NRG3: variants seen among roughly 807,000 people sequenced by gnomAD.
NRG3 encodes the protein pro-neuregulin-3, membrane-bound isoform.
Under a neutral mutation model 66.9 loss-of-function variants are expected in NRG3, and 31 were observed. That is an observed-to-expected ratio of 0.46 (90% CI 0.35 to 0.63). NRG3 has a LOEUF of 0.63. Ranked by LOEUF, NRG3 falls within the 20% of genes least tolerant of loss-of-function variation. The pLI, the probability that NRG3 is intolerant of heterozygous loss-of-function variation, is 0.00. For synonymous variants in NRG3, 393 were observed against 359.4 expected, an observed-to-expected ratio of 1.09 and a Z score of -1.06; for missense variants, 910 against 878.9, an observed-to-expected ratio of 1.04 and a Z score of -0.45.
chr10:82,675,092 G>A (rs1187021876), intron 2 of NRG3, among the ~76,000 whole-genome samples: 3 of 151,992 alleles, frequency 2.0e-5, no homozygotes, highest in Admixed American at 6.6e-5. Context: ...CTGAGTAGCT[G>A]GGATTACAGG....
intron 1 of NRG3, among the ~76,000 whole-genome samples, chr10:82,020,584 T>G (rs1237831680): frequency 6.6e-6 from 1 of 152,136 alleles, no homozygotes; most frequent in Non-Finnish European, 1.5e-5. Context: ...TTACCAGATT[T>G]CAAAGACTTT....
intron 2 of NRG3, among the ~76,000 whole-genome samples, chr10:82,539,464 C>T (rs2043378467): frequency 6.6e-6 from 1 of 152,150 alleles, no homozygotes; most frequent in South Asian, 2.1e-4. Flanking sequence ...ATACATCTTT[C>T]TCTATGTCTA....
chr10:82,249,555 G>T (rs1260305859), intron 1 of NRG3, among the ~76,000 whole-genome samples: 5 of 152,158 alleles, frequency 3.3e-5, no homozygotes, highest in East Asian at 1.9e-4. Flanking sequence ...GTAAACATTT[G>T]CTGAGTGAGA....
At chr10:82,245,536 T>G (rs1282821235) in intron 1 of NRG3, among the ~76,000 whole-genome samples, 1 of 152,240 alleles carries the variant, frequency 6.6e-6, no homozygotes, top group African/African-American at 2.4e-5. Context: ...GATTTAAATC[T>G]TGGATTTATT....
At chr10:81,992,139 A>T (rs963415549) in intron 1 of NRG3, among the ~76,000 whole-genome samples, 2 of 152,152 alleles carry the variant, frequency 1.3e-5, no homozygotes, top group African/African-American at 4.8e-5. Flanking sequence ...CTGTAAGCTG[A>T]TTGAAAATTG....
chr10:82,955,389 A>T (rs997436019), intron 5 of NRG3, among the ~76,000 whole-genome samples: 3 of 152,006 alleles, frequency 2.0e-5, no homozygotes, highest in Admixed American at 2.0e-4. Context: ...TAATAGAACT[A>T]TTAATTGAGC....
rs58570464 is a variant in NRG3, at chr10:81,884,285, T to C, written c.823+8122T>C. ...TGCCACTGTAAACTCCATAAATAGC[T>C]CACCTGCACTGTACCTGTTCTTTGC... On this transcript the variant is annotated intron_variant, in intron 1 of 8. Transcript: ENST00000372141. Among the ~76,000 whole-genome samples, 1,694 of 152,278 alleles carry C rather than the reference T, an allele frequency of 0.011. 92 individuals carry two copies. The East Asian group carries it at 0.19, about 17-fold the overall frequency.
chr10:82,269,927 G>A (rs1476182236), intron 1 of NRG3, among the ~76,000 whole-genome samples: 1 of 152,104 alleles, frequency 6.6e-6, no homozygotes, highest in Non-Finnish European at 1.5e-5. Flanking sequence ...TCAGCCATGT[G>A]CTTCATGTAT....
chr10:82,290,024 A>T lies in NRG3; in HGVS notation c.824-68715A>T, dbSNP rs570042578. Among the ~76,000 whole-genome samples the T allele has an allele frequency of 2.0e-5, 3 of 152,346 alleles. No individual in the cohort carries two copies. The South Asian group carries it at 6.2e-4, about 32-fold the overall frequency. ...CATCTGTTGAATAAATGATCACTCA[A>T]AATGGATTTGCCTCAATTATCACCT... On this transcript the variant is annotated intron_variant, in intron 1 of 8. Coordinates refer to ENST00000372141, the MANE Select transcript of NRG3 (RefSeq NM_001010848.4).
At chr10:81,903,955 C>T (rs1197454025) in intron 1 of NRG3, among the ~76,000 whole-genome samples, 1 of 150,114 alleles carries the variant, frequency 6.7e-6, no homozygotes, top group East Asian at 2.0e-4. Context: ...ATATATCCAC[C>T]TTCAAGACTT....
Position 82,345,252 on chromosome 10 carries a change from G to A in NRG3, c.824-13487G>A, listed in dbSNP as rs1192046914. ...AATTCATTTTTGTATAAGGTGTAAG[G>A]AAGGGATCCAGTTTCAGCTTTCTAC... is the stretch of plus-strand genomic sequence containing the variant. On this transcript the variant is annotated intron_variant, in intron 1 of 8. Coordinates refer to ENST00000372141, the MANE Select transcript of NRG3 (RefSeq NM_001010848.4). Among the ~76,000 whole-genome samples, 3 of 137,266 alleles carry A rather than the reference G, an allele frequency of 2.2e-5. No homozygotes were observed. In the East Asian group the frequency reaches 6.8e-4, roughly 31 times the overall value. The allele number at this position is 137,266 out of a possible 152,430, so 90.1% of individuals were successfully genotyped here. A position where few individuals can be genotyped will look rare whatever the true frequency, so the allele number is the denominator to read the frequency against.
At chr10:82,408,550 A>G (rs1428387660) in intron 2 of NRG3, among the ~76,000 whole-genome samples, 2 of 151,594 alleles carry the variant, frequency 1.3e-5, no homozygotes, top group Non-Finnish European at 2.9e-5. Flanking sequence ...TTACAAATCT[A>G]TACTCCAATT....
At chr10:82,899,418 A>G (rs753906621) in intron 4 of NRG3, among the ~76,000 whole-genome samples, 3 of 152,194 alleles carry the variant, frequency 2.0e-5, no homozygotes, top group Non-Finnish European at 2.9e-5. Flanking sequence ...ACCAAAATTG[A>G]TATCTGACCA....
intron 2 of NRG3, among the ~76,000 whole-genome samples, chr10:82,455,614 C>CTTT (rs35042088): frequency 1.4e-5 from 2 of 138,172 alleles, no homozygotes; most frequent in Non-Finnish European, 3.2e-5. Flanking sequence ...TTACACTAAA[C>CTTT]TTTTTTTTTT....
chr10:82,925,049 C>A (rs1214257211), intron 4 of NRG3, among the ~76,000 whole-genome samples: 2 of 152,108 alleles, frequency 1.3e-5, no homozygotes, highest in African/African-American at 2.4e-5. Context: ...GCCACGAAAA[C>A]CCTGTACAGA....
intron 3 of NRG3, among the ~76,000 whole-genome samples, chr10:82,813,130 G>A (rs1422626380): frequency 4.6e-5 from 7 of 151,410 alleles, no homozygotes; most frequent in African/African-American, 1.7e-4. Context: ...TGAAATGTAT[G>A]AGTGTTTTGA....
chr10:82,047,079 C>T (rs898991242), intron 1 of NRG3, among the ~76,000 whole-genome samples: 3 of 151,578 alleles, frequency 2.0e-5, no homozygotes, highest in Admixed American at 6.6e-5. Context: ...TGATGCTGGC[C>T]TCATAAAATG....
intron 1 of NRG3, among the ~76,000 whole-genome samples, chr10:82,002,250 T>C (rs1472363351): frequency 6.6e-6 from 1 of 152,184 alleles, no homozygotes; most frequent in Non-Finnish European, 1.5e-5. Context: ...CCTCATTACC[T>C]GAGTCCCAGG....
intron 2 of NRG3, among the ~76,000 whole-genome samples, chr10:82,564,250 C>A (rs2045244860): frequency 1.3e-5 from 2 of 152,156 alleles, no homozygotes. Context: ...AATGCTTGAG[C>A]TGAGGCTGTC....
Sources: allele counts gnomAD v4.1 joint callset (sites outside exome capture counted in the v4.1 genomes callset), GRCh38; gene constraint gnomAD v4.1.1; transcripts MANE v1.5; gene names NCBI Gene and HGNC (gene_info 2026-07-23, HGNC 2026-07-21).